ZFTRAF1: variants seen among roughly 807,000 people sequenced by gnomAD.
ZFTRAF1 encodes the protein zinc finger TRAF-type and ring finger containing 1, also known as zinc finger TRAF-type-containing protein 1.
At chr8:144,453,156 C>T in the ZFTRAF1 span, 4 of 1,414,962 alleles carry the variant, frequency 2.8e-6, no homozygotes, top group African/African-American at 2.8e-5. Context: ...GGCCCTGCTG[C>T]ACCAGGGTGG....
the ZFTRAF1 span, among the ~76,000 whole-genome samples, chr8:144,459,655 C>T: frequency 2.6e-5 from 4 of 152,242 alleles, no homozygotes; most frequent in Non-Finnish European, 5.9e-5. Flanking sequence ...GACAAGCTCT[C>T]GAGTTACTGA....
the ZFTRAF1 span, among the ~76,000 whole-genome samples, chr8:144,458,530 C>G: frequency 2.0e-4 from 31 of 152,164 alleles, no homozygotes; most frequent in Admixed American, 2.0e-3. Flanking sequence ...TGACTCCACC[C>G]CCCCAGGACT....
At chr8:144,454,320 G>A in the ZFTRAF1 span, 1 of 152,344 alleles carries the variant, frequency 6.6e-6, no homozygotes, top group Non-Finnish European at 1.5e-5. Flanking sequence ...CTCACAGCAT[G>A]GGAGGTGGGA....
chr8:144,449,642 T>C, the ZFTRAF1 span: 1 of 152,302 alleles, frequency 6.6e-6, no homozygotes, highest in East Asian at 1.9e-4. Flanking sequence ...AGAGACAATT[T>C]CACCCTGCTT....
the ZFTRAF1 span, chr8:144,454,734 G>C: frequency 3.9e-5 from 6 of 152,064 alleles, no homozygotes; most frequent in African/African-American, 7.2e-5. Context: ...GGTGGCGCTG[G>C]GAGGCCGGCC....
the ZFTRAF1 span, among the ~76,000 whole-genome samples, chr8:144,458,780 C>G: frequency 1.3e-5 from 2 of 152,310 alleles, no homozygotes; most frequent in Admixed American, 6.5e-5. Flanking sequence ...GGCGCTGCCT[C>G]TGCCGGGCCC....
the ZFTRAF1 span, chr8:144,456,992 T>A: frequency 0.93 from 137,083 of 147,686 alleles, 64,119 homozygotes; most frequent in Non-Finnish European, 1. Flanking sequence ...TTACAGGGGA[T>A]GACATTGTGG....
chr8:144,460,704 G>A, the ZFTRAF1 span, among the ~76,000 whole-genome samples: 2 of 152,252 alleles, frequency 1.3e-5, no homozygotes, highest in Admixed American at 6.5e-5. Flanking sequence ...CCAACATGGC[G>A]AAACCCCGTC....
the ZFTRAF1 span, chr8:144,453,490 A>C: frequency 1.3e-6 from 2 of 1,531,330 alleles, no homozygotes; most frequent in Non-Finnish European, 1.8e-6. Context: ...GACGAAGCTC[A>C]CAGACCTGCG....
the ZFTRAF1 span, among the ~76,000 whole-genome samples, chr8:144,459,450 A>T: frequency 6.6e-6 from 1 of 152,252 alleles, no homozygotes; most frequent in Non-Finnish European, 1.5e-5. Context: ...ACCTGACGTG[A>T]GGCAGGACTC....
At chr8:144,459,236 G>T in the ZFTRAF1 span, among the ~76,000 whole-genome samples, 1 of 152,242 alleles carries the variant, frequency 6.6e-6, no homozygotes, top group Admixed American at 6.5e-5. Context: ...CAGGGAGCCG[G>T]CAGGAACGAC....
chr8:144,461,210 G>T, the ZFTRAF1 span, among the ~76,000 whole-genome samples: 1 of 152,224 alleles, frequency 6.6e-6, no homozygotes, highest in Non-Finnish European at 1.5e-5. Flanking sequence ...TGCTACAAAA[G>T]TAGCTCCTCA....
At chr8:144,461,395 T>C in the ZFTRAF1 span, among the ~76,000 whole-genome samples, 541 of 152,270 alleles carry the variant, frequency 3.6e-3, 7 homozygotes, top group African/African-American at 0.012. Context: ...TGCCTCTGGG[T>C]GTCAACCAGT....
the ZFTRAF1 span, chr8:144,455,383 G>A: frequency 3.9e-5 from 6 of 152,210 alleles, no homozygotes; most frequent in Non-Finnish European, 5.9e-5. Flanking sequence ...GACTGGCTCT[G>A]ACTGGGTTGG....
the ZFTRAF1 span, chr8:144,454,847 GCTGT>G: frequency 6.6e-6 from 1 of 152,340 alleles, no homozygotes; most frequent in African/African-American, 2.4e-5. Flanking sequence ...AAGCTAAGGA[GCTGT>G]CAGACGCTGG....
the ZFTRAF1 span, chr8:144,455,822 G>A: frequency 6.6e-6 from 1 of 152,204 alleles, no homozygotes; most frequent in Non-Finnish European, 1.5e-5. Flanking sequence ...TGGGGTCCTA[G>A]ACCCTCCTAA....
the ZFTRAF1 span, among the ~76,000 whole-genome samples, chr8:144,461,966 G>A: frequency 3.9e-5 from 6 of 152,160 alleles, no homozygotes; most frequent in Non-Finnish European, 7.3e-5. Context: ...GAGTGTTCAG[G>A]GGACCGTGGG....
the ZFTRAF1 span, chr8:144,456,990 G>C: frequency 6.8e-6 from 1 of 146,056 alleles, no homozygotes; most frequent in Non-Finnish European, 1.5e-5. Flanking sequence ...CATTACAGGG[G>C]ATGACATTGT....
the ZFTRAF1 span, chr8:144,455,186 G>A: frequency 1.3e-5 from 2 of 152,202 alleles, no homozygotes; most frequent in Non-Finnish European, 2.9e-5. Context: ...ATGGTGGCGA[G>A]CGCCTGTAAT....
Sources: allele counts gnomAD v4.1 joint callset (sites outside exome capture counted in the v4.1 genomes callset), GRCh38; gene constraint gnomAD v4.1.1; transcripts MANE v1.5; gene names NCBI Gene and HGNC (gene_info 2026-07-23, HGNC 2026-07-21).